Variants in LRRC7 observed in about 807,000 individuals in gnomAD.
LRRC7 encodes leucine rich repeat containing 7, also known as leucine-rich repeat-containing protein 7.
In LRRC7, 23 loss-of-function variants were observed where a neutral mutation model predicts 175.7. The observed-to-expected ratio is 0.13, with a 90% confidence interval of 0.09 to 0.19. LRRC7 has a LOEUF of 0.19. Among genes scored for constraint, LRRC7 ranks in the 10% least tolerant of loss-of-function variants. LRRC7 has a pLI of 1.00. For missense variants in LRRC7, 1,354 were observed against 1,904.7 expected (o/e 0.71, Z 5.38); for synonymous variants, 685 against 680.9 (o/e 1.01, Z -0.09).
chr1:69,599,602 G>A (rs1201803231), intron 1 of LRRC7, among the ~76,000 whole-genome samples: 1 of 152,146 alleles, frequency 6.6e-6, no homozygotes, highest in Non-Finnish European at 1.5e-5. Context: ...CATACTATAA[G>A]TGAAAACTAA....
At chr1:70,045,624 G>A (rs1571160808) in intron 22 of LRRC7, among the ~76,000 whole-genome samples, 1 of 152,204 alleles carries the variant, frequency 6.6e-6, no homozygotes, top group East Asian at 1.9e-4. Flanking sequence ...TTCTTATAGG[G>A]CTTGCTAATT....
chr1:69,658,343 A>G (rs61782252), intron 1 of LRRC7, among the ~76,000 whole-genome samples: 10,515 of 152,116 alleles, frequency 0.069, 473 homozygotes, highest in African/African-American at 0.12. Flanking sequence ...CATTATTGTC[A>G]GCATGAAGCA....
chr1:69,755,146 T>G (rs1428740978), intron 2 of LRRC7, among the ~76,000 whole-genome samples: 1 of 151,874 alleles, frequency 6.6e-6, no homozygotes, highest in Non-Finnish European at 1.5e-5. Context: ...TGCTAATATG[T>G]CAACTAAGGA....
chr1:70,003,198 T>G (rs1301821848), intron 11 of LRRC7, among the ~76,000 whole-genome samples: 1 of 152,132 alleles, frequency 6.6e-6, no homozygotes, highest in Non-Finnish European at 1.5e-5. Context: ...TTTCTCTTCT[T>G]GTAAAGGCAT....
At chr1:69,961,155 T>C (rs1470440651) in intron 8 of LRRC7, among the ~76,000 whole-genome samples, 1 of 152,158 alleles carries the variant, frequency 6.6e-6, no homozygotes, top group Non-Finnish European at 1.5e-5. Flanking sequence ...AAAATCAATA[T>C]GCAAAAATCA....
chr1:69,619,512 G>C (rs1054064825), intron 1 of LRRC7, among the ~76,000 whole-genome samples: 7 of 152,110 alleles, frequency 4.6e-5, no homozygotes, highest in African/African-American at 1.7e-4. Flanking sequence ...TCAAGGAAAA[G>C]CTCTTGAAAA....
At chr1:70,042,272 T>A (rs913696654) in intron 21 of LRRC7, among the ~76,000 whole-genome samples, 1 of 152,244 alleles carries the variant, frequency 6.6e-6, no homozygotes, top group Non-Finnish European at 1.5e-5. Flanking sequence ...AGACTTATTA[T>A]GTAAAACCAG....
At chr1:69,951,255 C>T (rs1356614103) in intron 8 of LRRC7, among the ~76,000 whole-genome samples, 7 of 151,922 alleles carry the variant, frequency 4.6e-5, no homozygotes, top group African/African-American at 1.2e-4. Flanking sequence ...TCACATCAGT[C>T]AGTATGGCTG....
chr1:69,775,915 G>A (rs1247468415), intron 3 of LRRC7, among the ~76,000 whole-genome samples: 2 of 152,132 alleles, frequency 1.3e-5, no homozygotes, highest in Non-Finnish European at 2.9e-5. Context: ...AAGAAAAGAA[G>A]CAAAGGATAT....
At chr1:69,710,671 G>A (rs759618652) in intron 2 of LRRC7, among the ~76,000 whole-genome samples, 62 of 152,188 alleles carry the variant, frequency 4.1e-4, no homozygotes, top group Non-Finnish European at 7.2e-4. Flanking sequence ...GTCTAAGGCA[G>A]TGACCCATCA....
chr1:69,749,093 A>G (rs896836618), intron 2 of LRRC7, among the ~76,000 whole-genome samples: 1 of 152,142 alleles, frequency 6.6e-6, no homozygotes, highest in Non-Finnish European at 1.5e-5. Flanking sequence ...TGATGTTGTA[A>G]TTTTCTTTCT....
chr1:69,969,686 A>G (rs550672896), intron 8 of LRRC7, among the ~76,000 whole-genome samples: 1 of 152,314 alleles, frequency 6.6e-6, no homozygotes, highest in East Asian at 1.9e-4. Context: ...ATAGTGGGGG[A>G]CTTCGATATT....
intron 1 of LRRC7, among the ~76,000 whole-genome samples, chr1:69,672,861 G>A (rs1054923873): frequency 6.6e-6 from 1 of 152,176 alleles, no homozygotes; most frequent in African/African-American, 2.4e-5. Context: ...TCAACAGTGA[G>A]TTGATAATGT....
intron 25 of LRRC7, among the ~76,000 whole-genome samples, chr1:70,098,799 TAAC>T (rs1457857007): frequency 8.0e-5 from 12 of 150,740 alleles, no homozygotes; most frequent in African/African-American, 2.9e-4. Context: ...AATAGACCAA[TAAC>T]AGGATCTGAA....
intron 7 of LRRC7, among the ~76,000 whole-genome samples, chr1:69,868,798 G>T (rs1168232707): frequency 1.3e-5 from 2 of 151,956 alleles, no homozygotes; most frequent in Non-Finnish European, 2.9e-5. Context: ...TGTCAGCAAG[G>T]TTGGTTTCTT....
At chr1:69,952,680 G>A (rs536737100) in intron 8 of LRRC7, among the ~76,000 whole-genome samples, 29 of 152,092 alleles carry the variant, frequency 1.9e-4, no homozygotes, top group South Asian at 6.2e-4. Flanking sequence ...TCTATAGTAA[G>A]ATTCCCAATG....
At chr1:69,613,881 A>G (rs978278101) in intron 1 of LRRC7, among the ~76,000 whole-genome samples, 15 of 152,070 alleles carry the variant, frequency 9.9e-5, no homozygotes, top group Non-Finnish European at 1.9e-4. Flanking sequence ...TTGCAGAATA[A>G]ATGACAGAAA....
chr1:70,046,617 A>G (rs888714085), intron 22 of LRRC7, among the ~76,000 whole-genome samples: 14 of 152,168 alleles, frequency 9.2e-5, no homozygotes, highest in Non-Finnish European at 1.5e-4. Flanking sequence ...TACCACTTTA[A>G]GTCCTATAAA....
At chr1:70,087,529 T>C (rs1663706699) in intron 24 of LRRC7, among the ~76,000 whole-genome samples, 1 of 152,142 alleles carries the variant, frequency 6.6e-6, no homozygotes, top group South Asian at 2.1e-4. Flanking sequence ...ACTAGCACAC[T>C]GAATAAGGCT....
Sources: gnomAD v4.1 joint callset for allele counts (sites outside exome capture counted in the v4.1 genomes callset) on GRCh38, gnomAD v4.1.1 for gene constraint, MANE v1.5 for transcripts, NCBI Gene and HGNC (gene_info 2026-07-23, HGNC 2026-07-21) for gene names.